Variants in HAUS7 observed in about 807,000 individuals in gnomAD.
The protein encoded by HAUS7 is HAUS augmin like complex subunit 7.
Under a neutral mutation model 28.4 loss-of-function variants are expected in HAUS7, and 3 were observed. The ratio of observed to expected loss-of-function variants is 0.11; its 90% CI spans 0.05 to 0.27. The LOEUF is 0.27. Ranked by LOEUF, HAUS7 falls within the 10% of genes least tolerant of loss-of-function variation. The pLI, the probability that HAUS7 is intolerant of heterozygous loss-of-function variation, is 1.00. For missense variants in HAUS7, 284 were observed against 297.3 expected (o/e 0.96, Z 0.33); for synonymous variants, 165 against 132.1 (o/e 1.25, Z -1.71).
intron 8 of HAUS7, chrX:153,455,008 T>G (rs782042812): frequency 4.9e-6 from 5 of 1,022,008 alleles, no homozygotes; most frequent in Non-Finnish European, 5.2e-6. Flanking sequence ...GTGGGAACTG[T>G]AGTCATCGTA....
Position 153,490,697 on chromosome X carries a change from C to T in HAUS7, c.-589+4677G>A, listed in dbSNP as rs782472380. Among the ~76,000 whole-genome samples, 11 of 112,843 alleles carry T rather than the reference C, an allele frequency of 9.7e-5. No homozygotes were observed. The South Asian group carries it at 3.6e-3, about 37-fold the overall frequency. ...CCACTCAAGGCCATAAACTTGGGGCCGCTCTTGCTCAAGAGGTAACCTCGA... is the reference window on the plus strand; with the variant it reads ...CCACTCAAGGCCATAAACTTGGGGCTGCTCTTGCTCAAGAGGTAACCTCGA... On this transcript the variant is annotated intron_variant, in intron 1 of 5. Transcript: ENST00000370210.
intron 2 of HAUS7, among the ~76,000 whole-genome samples, chrX:153,467,734 G>A (rs1344686945): frequency 1.8e-5 from 2 of 112,618 alleles, no homozygotes; most frequent in Non-Finnish European, 3.8e-5. Flanking sequence ...GCAGCCTGGA[G>A]AACCCCCCGA....
chrX:153,450,704 G>A (rs1556980924), intron 9 of HAUS7, among the ~76,000 whole-genome samples: 1 of 112,597 alleles, frequency 8.9e-6, no homozygotes, highest in African/African-American at 3.2e-5. Context: ...CAACTCACAT[G>A]AGGCCATGCC....
At chrX:153,452,524 TAAAG>T (rs1266087143) in intron 9 of HAUS7, among the ~76,000 whole-genome samples, 2 of 112,377 alleles carry the variant, frequency 1.8e-5, no homozygotes, top group African/African-American at 6.5e-5. Flanking sequence ...AAAGAAGTGT[TAAAG>T]AACCAACAAG....
At chrX:153,455,094 C>T in intron 8 of HAUS7, 3 of 831,814 alleles carry the variant, frequency 3.6e-6, no homozygotes, top group Non-Finnish European at 5.0e-6. Context: ...ATTGACGAGC[C>T]CACTTCCTCT....
intron 1 of HAUS7, chrX:153,482,812 TCTG>T: frequency 2.8e-6 from 2 of 713,759 alleles, no homozygotes; most frequent in Non-Finnish European, 3.3e-6. Context: ...GCCTGCTCTA[TCTG>T]AGGCTGGACC....
intron 1 of HAUS7, chrX:153,481,583 G>A: frequency 9.3e-6 from 7 of 756,143 alleles, no homozygotes; most frequent in Non-Finnish European, 1.1e-5. Context: ...ATCGCCTGTG[G>A]CAATGTCAAG....
intron 1 of HAUS7, among the ~76,000 whole-genome samples, chrX:153,488,428 C>G (rs1340943712): frequency 8.9e-6 from 1 of 112,958 alleles, no homozygotes; most frequent in Non-Finnish European, 1.9e-5. Context: ...AACTGAGTCT[C>G]GCCTTGCTCC....
intron 9 of HAUS7, among the ~76,000 whole-genome samples, chrX:153,449,004 C>T (rs58070852): frequency 0.12 from 13,569 of 111,738 alleles, 831 homozygotes; most frequent in Non-Finnish European, 0.18. Context: ...CACAGACAGC[C>T]CTAAGCCTTG....
At chrX:153,494,277 CAAG>C (rs2089690895) in intron 1 of HAUS7, among the ~76,000 whole-genome samples, 1 of 112,637 alleles carries the variant, frequency 8.9e-6, no homozygotes, top group Non-Finnish European at 1.9e-5. Context: ...AGGGATTGAG[CAAG>C]AAGACTGACT....
intron 4 of HAUS7, chrX:153,462,116 A>C: frequency 2.8e-6 from 3 of 1,060,384 alleles, no homozygotes; most frequent in Middle Eastern, 2.5e-4. Flanking sequence ...ATCATATGCA[A>C]GAATGTTTAT....
intron 2 of HAUS7, among the ~76,000 whole-genome samples, chrX:153,465,428 G>A (rs1236035035): frequency 2.7e-5 from 3 of 111,201 alleles, no homozygotes; most frequent in East Asian, 2.8e-4. Flanking sequence ...GGCTGGCCCC[G>A]GGCTCCTGGC....
chrX:153,469,205 C>T lies in HAUS7; in HGVS notation c.165G>A (p.Gln55=). Residue 55 remains glutamine (Q), a synonymous_variant, in exon 2 of 10, where the codon CAG becomes CAA. Transcript: ENST00000370211. ...ACTCTGAGGGGCTGCACAGCAGTTC[C>T]TGAATTGTCTTTGGCTCTGTGATAT... is the stretch of plus-strand genomic sequence containing the variant. ...GLYITEPKTI[Q]ELLCSPSEYR... The T allele has an allele frequency of 8.3e-7, 1 of 1,201,190 alleles. No homozygotes were observed. The highest frequency in any genetic ancestry group is 1.1e-6 in the Non-Finnish European group (1 of 885,411).
rs147586065 is a variant in HAUS7 at position 153,461,246 on chromosome X, G to A, written c.354+1364C>T. 2.6e-4 allele frequency among the ~76,000 whole-genome samples: 29 copies of A among 112,269 alleles called. No individual in the cohort carries two copies. In the East Asian group the frequency reaches 6.4e-3, roughly 25 times the overall value. ...GAGCCAAAGTAATAGGCAAAATGTC[G>A]AGAGAACTACTTGGCACACGGAGAA... is the stretch of plus-strand genomic sequence containing the variant. On this transcript the variant is annotated intron_variant, in intron 4 of 9. Transcript: ENST00000370211.
rs1556982316 is a variant in HAUS7, at chrX:153,456,679, C to T, written c.447-28G>A. 6 of 1,131,089 alleles carry T rather than the reference C, an allele frequency of 5.3e-6. No individual in the cohort carries two copies. In the South Asian group the frequency reaches 7.9e-5, roughly 15 times the overall value. The allele number at this position is 1,131,089 out of a possible 1,213,427, so 93.2% of individuals were successfully genotyped here. ...GCAAAGGCAGCCCCCAGGGCCACAC[C>T]GTCACAGGCCAGAGCACTCGCCCAG... On this transcript the variant is annotated intron_variant, in intron 5 of 9. Transcript: ENST00000370211.
chrX:153,487,101 G>A (rs2089643862), intron 1 of HAUS7: 4 of 241,084 alleles, frequency 1.7e-5, no homozygotes, highest in South Asian at 4.3e-5. Flanking sequence ...TCCCATGTCC[G>A]TGCGGTTCCT....
chrX:153,479,857 G>A (rs1200856851), intron 1 of HAUS7, among the ~76,000 whole-genome samples: 9 of 111,437 alleles, frequency 8.1e-5, no homozygotes, highest in East Asian at 2.9e-4. Flanking sequence ...CAGACAGAGC[G>A]GTGCCCCCCA....
chrX:153,449,583 G>A (rs1376152653), intron 9 of HAUS7, among the ~76,000 whole-genome samples: 11 of 112,801 alleles, frequency 9.8e-5, no homozygotes, highest in South Asian at 7.2e-4. Flanking sequence ...GCCCAAGGCC[G>A]GGTGTGCAGG....
chrX:153,478,679 C>T (rs782793148), intron 1 of HAUS7, among the ~76,000 whole-genome samples: 141 of 112,858 alleles, frequency 1.2e-3, no homozygotes, highest in African/African-American at 4.4e-3. Flanking sequence ...CAGCCCGAGG[C>T]ACACCCATGC....
Sources: allele counts gnomAD v4.1 joint callset (sites outside exome capture counted in the v4.1 genomes callset), GRCh38; gene constraint gnomAD v4.1.1; transcripts MANE v1.5; gene names NCBI Gene and HGNC (gene_info 2026-07-23, HGNC 2026-07-21).